The following SPEN variants were observed in gnomAD, a reference collection of about 807,000 sequenced individuals.
SPEN encodes the protein msx2-interacting protein.
A neutral mutation model predicts 269.9 loss-of-function variants in SPEN; 18 were observed. The ratio of observed to expected loss-of-function variants is 0.07; its 90% CI spans 0.05 to 0.10. SPEN has a LOEUF of 0.10. Ranked by LOEUF, SPEN falls within the 10% of genes least tolerant of loss-of-function variation. The pLI is 1.00. For missense variants in SPEN, 3,822 were observed against 4,631.2 expected (o/e 0.83, Z 5.07); for synonymous variants, 1,726 against 1,765.7 (o/e 0.98, Z 0.56).
At chr1:15,854,590 C>T (rs1032002262) in intron 1 of SPEN, among the ~76,000 whole-genome samples, 8 of 151,860 alleles carry the variant, frequency 5.3e-5, no homozygotes, top group Admixed American at 5.3e-4. Flanking sequence ...CAGGTTCAAG[C>T]AATTCTGCCT....
rs1311574756 is a variant in SPEN, at chr1:15,939,634, T to C, written c.*207T>C. The C allele has an allele frequency of 2.0e-6, 1 of 501,446 alleles. No homozygotes were observed. Among genetic ancestry groups the C allele is most frequent in the African/African-American group, 2.0e-5 (1 of 49,816 alleles). The allele number at this position is 501,446 out of a possible 1,614,324, so 31.1% of individuals were successfully genotyped here. A position where few individuals can be genotyped will look rare whatever the true frequency, so the allele number is the denominator to read the frequency against. On this transcript the variant is annotated 3_prime_UTR_variant, in exon 15 of 15. Transcript: ENST00000375759. This position sits in a 1 kb window ranked among gnomAD's most constrained non-coding sequence, Gnocchi z 4.1. The stretch of plus-strand genomic sequence containing the variant: ...TACCTTGTATGTTTACATAATGCTT[T>C]AGCCCAAGGACACATCACCAACCCA...
At chr1:15,919,595 G>C in intron 8 of SPEN, 78 bp downstream of exon 8, 1 of 821,768 alleles carries the variant, frequency 1.2e-6, no homozygotes, top group Non-Finnish European at 1.9e-6. Flanking sequence ...GTCTCAGTTG[G>C]CTAGCATTGC....
At position 15,848,660 on chromosome 1, in the gene SPEN, A is replaced by G. The variant is rs2070302064; in HGVS notation, c.83+510A>G. Among the ~76,000 whole-genome samples, 1 of 152,170 alleles carries G rather than the reference A, an allele frequency of 6.6e-6. No homozygotes were observed. The highest frequency in any genetic ancestry group is 1.5e-5 in the Non-Finnish European group (1 of 68,020). Reference sequence around the variant, plus strand: ...AAGGCGGTGCGAAAACAGAAGTCGCAGTAGGTACTGTGGTCGCGTCGCGGA... The same window carrying G: ...AAGGCGGTGCGAAAACAGAAGTCGCGGTAGGTACTGTGGTCGCGTCGCGGA... On this transcript the variant is annotated intron_variant, in intron 1 of 14. Transcript: ENST00000375759. The surrounding 1 kb of genome is among the most constrained non-coding windows in gnomAD (Gnocchi z 5.1).
At chr1:15,895,756 C>G (rs1570018540) in intron 3 of SPEN, among the ~76,000 whole-genome samples, 1 of 149,912 alleles carries the variant, frequency 6.7e-6, no homozygotes, top group East Asian at 2.0e-4. Flanking sequence ...TCTCGGCTCA[C>G]TGCAACCTCT....
chr1:15,928,453 G>A lies in SPEN; in HGVS notation c.2213G>A (p.Gly738Glu). 1.9e-6 allele frequency: 3 copies of A among 1,614,014 alleles called. No homozygotes were observed. Among genetic ancestry groups the A allele is most frequent in the East Asian group, 2.2e-5 (1 of 44,892 alleles). ...CACTTGCGACGTCCACAGAGTCCTG[G>A]AGCGTCTCCCTCTCAGGCAGAGAGG... Reference protein sequence around the residue: ...PVHLRRPQSPGASPSQAERLP... With the variant: ...PVHLRRPQSPEASPSQAERLP... Residue 738 changes from glycine to glutamate, a missense_variant, in exon 11 of 15, where the codon GGA (glycine) becomes GAA (glutamate). Physicochemically the swap from Gly to Glu is moderately conservative, Grantham distance 98. Around this residue, in one of 16 missense-constraint regions of SPEN, gnomAD observed 572 missense variants for 582.6 expected, o/e 0.98. Transcript: ENST00000375759. The surrounding 1 kb of genome is among the most constrained non-coding windows in gnomAD (Gnocchi z 5.7).
At chr1:15,908,332 G>A (rs532534446) in intron 3 of SPEN, among the ~76,000 whole-genome samples, 1 of 152,208 alleles carries the variant, frequency 6.6e-6, no homozygotes, top group African/African-American at 2.4e-5. Flanking sequence ...CCAAAGTGCT[G>A]GGATTATAGG....
At chr1:15,872,331 G>C (rs2070586044) in intron 1 of SPEN, among the ~76,000 whole-genome samples, 1 of 151,420 alleles carries the variant, frequency 6.6e-6, no homozygotes, top group African/African-American at 2.4e-5. Flanking sequence ...GGTGGCTCAT[G>C]CCTGTAATCC....
Position 15,937,181 on chromosome 1 carries a change from G to T in SPEN, c.10045G>T (p.Glu3349Ter). The T allele has an allele frequency of 6.2e-7, 1 of 1,612,024 alleles. No homozygotes were observed. Among genetic ancestry groups the T allele is most frequent in the Non-Finnish European group, 8.5e-7 (1 of 1,178,972 alleles). ...TAAQGPPPEGEPLQPPQPVQS... is the reference protein window; with the variant it reads ...TAAQGPPPEG The stretch of plus-strand genomic sequence containing the variant: ...ACACCAGGGCCCTCCTCCTGAAGGT[G>T]AGCCCCTGCAGCCTCCTCAGCCTGT... The change falls in exon 12 of 15, where the codon GAG becomes TAG. Residue 3349 changes from glutamate (E) to a stop codon, truncating the protein, a stop_gained. Transcript: ENST00000375759. LOFTEE classifies it high-confidence loss of function. This position sits in a 1 kb window ranked among gnomAD's most constrained non-coding sequence, Gnocchi z 5.7.
At position 15,934,242 on chromosome 1, in the gene SPEN, C is replaced by T. The variant is rs1292585744; in HGVS notation, c.8002C>T (p.Leu2668=). ...VNVSLVPVNA[L]KGPVKGSVTT... is the part of the protein sequence containing the mutation. The stretch of plus-strand genomic sequence containing the variant: ...CGTCTCCCTGGTCCCGGTGAATGCC[C>T]TGAAAGGCCCCGTGAAGGGCTCAGT... Residue 2668 remains leucine (L), a synonymous_variant, in exon 11 of 15, where the codon CTG becomes TTG. Transcript: ENST00000375759. This position sits in a 1 kb window ranked among gnomAD's most constrained non-coding sequence, Gnocchi z 9.2. 6.2e-7 allele frequency: 1 copy of T among 1,614,266 alleles called. No homozygotes were observed. Among genetic ancestry groups the T allele is most frequent in the Non-Finnish European group, 8.5e-7 (1 of 1,180,050 alleles).
In SPEN at chr1:15,934,944, G is replaced by T; in HGVS notation, c.8704G>T (p.Val2902Leu). ...TAATGCCTCTCCTGTGATTTCGTCTGTGAAGGCCGATAGGCCATCCTTGGA... is the reference window on the plus strand; with the variant it reads ...TAATGCCTCTCCTGTGATTTCGTCTTTGAAGGCCGATAGGCCATCCTTGGA... ...TYNASPVISS[V>L]KADRPSLEKP... The change falls in exon 11 of 15, where the codon GTG becomes TTG. Residue 2902 changes from valine to leucine, a missense_variant. By Grantham distance (32) the Val-to-Leu change is conservative (BLOSUM62 1). Transcript: ENST00000375759. This position sits in a 1 kb window ranked among gnomAD's most constrained non-coding sequence, Gnocchi z 9.2. 6.2e-7 allele frequency: 1 copy of T among 1,613,982 alleles called. No homozygotes were observed. The highest frequency in any genetic ancestry group is 8.5e-7 in the Non-Finnish European group (1 of 1,180,002).
At chr1:15,884,102 G>A (rs1212249129) in intron 3 of SPEN, among the ~76,000 whole-genome samples, 1 of 152,000 alleles carries the variant, frequency 6.6e-6, no homozygotes, top group Admixed American at 6.6e-5. Context: ...GAGCCACAGC[G>A]CTCGGCTTGT....
rs973514415 is a variant in SPEN, at chr1:15,847,784, G to A, written c.-284G>A. ...CCGTGTCCCGCTCGCCCCTCCTCCC[G>A]CTCCCCCGCCCGCCCCTGCCCGGGC... On this transcript the variant is annotated 5_prime_UTR_variant, in exon 1 of 15. Coordinates refer to ENST00000375759, the MANE Select transcript of SPEN (RefSeq NM_015001.3). 7 of 187,614 alleles carry A rather than the reference G, an allele frequency of 3.7e-5. No homozygotes were observed. The highest frequency in any genetic ancestry group is 1.2e-4 in the African/African-American group (5 of 42,652). The allele number at this position is 187,614 out of a possible 1,614,324, so 11.6% of individuals were successfully genotyped here. A position where few individuals can be genotyped will look rare whatever the true frequency, so the allele number is the denominator to read the frequency against.
intron 1 of SPEN, among the ~76,000 whole-genome samples, chr1:15,860,612 T>C (rs539358770): frequency 4.2e-4 from 64 of 151,606 alleles, no homozygotes; most frequent in African/African-American, 1.4e-3. Context: ...TTAGTGACTT[T>C]TTTTTTTTTG....
rs370352903 is a variant in SPEN at position 15,883,139 on chromosome 1, A to G, written c.881+6461A>G. ...AAAATGTATTTCTCACATTTTCATTATATAGTTGTTACATTATTAAAATTT... is the reference window on the plus strand; with the variant it reads ...AAAATGTATTTCTCACATTTTCATTGTATAGTTGTTACATTATTAAAATTT... On this transcript the variant is annotated intron_variant, in intron 3 of 14. Transcript: ENST00000375759. Among the ~76,000 whole-genome samples, 55 of 152,346 alleles carry G rather than the reference A, an allele frequency of 3.6e-4. 1 individual carries two copies. The South Asian group carries it at 0.011, about 31-fold the overall frequency.
chr1:15,928,614 G>A lies in SPEN; in HGVS notation c.2374G>A (p.Asp792Asn). The part of the protein sequence containing the change: ...LERYTKNEKT[D>N]KERTFDPERV... ...GCGCTATACAAAAAATGAAAAGACAGATAAAGAACGAACTTTTGATCCGGA... is the reference window on the plus strand; with the variant it reads ...GCGCTATACAAAAAATGAAAAGACAAATAAAGAACGAACTTTTGATCCGGA... Residue 792 changes from aspartate (D) to asparagine (N), a missense_variant, in exon 11 of 15, where the codon GAT becomes AAT. Physicochemically the swap from Asp to Asn is conservative, Grantham distance 23 (BLOSUM62 1). Transcript: ENST00000375759. The surrounding 1 kb of genome is among the most constrained non-coding windows in gnomAD (Gnocchi z 5.7). 1 of 1,614,066 alleles carries A rather than the reference G, an allele frequency of 6.2e-7. No individual in the cohort carries two copies. Among genetic ancestry groups the A allele is most frequent in the Non-Finnish European group, 8.5e-7 (1 of 1,180,012 alleles).
chr1:15,922,458 C>A, intron 10 of SPEN, 109 bp downstream of exon 10: 1 of 678,514 alleles, frequency 1.5e-6, no homozygotes, highest in Non-Finnish European at 2.4e-6. Context: ...CTTTCATCTT[C>A]TAGAATAGAG....
rs760080128 is a variant in SPEN at position 15,937,440 on chromosome 1, T to C, written c.10304T>C (p.Val3435Ala). The change falls in exon 12 of 15, where the codon GTG becomes GCG. Residue 3435 changes from valine (V) to alanine (A), a missense_variant. Transcript: ENST00000375759. This position sits in a 1 kb window ranked among gnomAD's most constrained non-coding sequence, Gnocchi z 5.7. The stretch of plus-strand genomic sequence containing the variant: ...GGCCCGACTTCCTTCCCCTCCCCTG[T>C]GTCTGTCTCCATGAAGCCTGACCTT... ...ETGPTSFPSP[V>A]SVSMKPDLPV... 6 of 1,613,844 alleles carry C rather than the reference T, an allele frequency of 3.7e-6. No individual in the cohort carries two copies. In the Admixed American group the frequency reaches 1.0e-4, roughly 27 times the overall value.
At chr1:15,886,083 T>C (rs1234625163) in intron 3 of SPEN, among the ~76,000 whole-genome samples, 1 of 152,248 alleles carries the variant, frequency 6.6e-6, no homozygotes, top group African/African-American at 2.4e-5. Flanking sequence ...CTGGATTTCC[T>C]TTTTTGGTCA....
chr1:15,932,062 C>A lies in SPEN; in HGVS notation c.5822C>A (p.Ala1941Asp), dbSNP rs1240296239. ...AGATTGGAGCGAGAGCTTCAGGAGG[C>A]TGCAGCGGTTCCCACCACCCCTCGG... is the stretch of plus-strand genomic sequence containing the variant. ...RKRLERELQEAAAVPTTPRRG... is the reference protein window; with the variant it reads ...RKRLERELQEDAAVPTTPRRG... Residue 1941 changes from alanine to aspartate, a missense_variant, in exon 11 of 15, where the codon GCT becomes GAT. Physicochemically the swap from Ala to Asp is moderately radical, Grantham distance 126 (BLOSUM62 -2). This residue lies in a region of SPEN where 533 missense variants were observed against 618.8 expected (regional missense o/e 0.86). Transcript: ENST00000375759. The surrounding 1 kb of genome is among the most constrained non-coding windows in gnomAD (Gnocchi z 4.2). The A allele has an allele frequency of 2.5e-6, 4 of 1,614,026 alleles. No homozygotes were observed. The African/African-American group carries it at 5.3e-5, about 22-fold the overall frequency.
Sources: allele counts gnomAD v4.1 joint callset (sites outside exome capture counted in the v4.1 genomes callset), GRCh38; gene constraint gnomAD v4.1.1; regional missense constraint gnomAD v4.1.1; non-coding constraint Gnocchi (gnomAD v3.1); transcripts MANE v1.5; gene names NCBI Gene and HGNC (gene_info 2026-07-23, HGNC 2026-07-21).